Variants in TMEM132D observed in about 807,000 individuals in gnomAD.
TMEM132D encodes mature OL transmembrane protein.
Under a neutral mutation model 62.3 loss-of-function variants are expected in TMEM132D, and 21 were observed. The ratio of observed to expected loss-of-function variants is 0.34; its 90% CI spans 0.24 to 0.49. The LOEUF (loss-of-function observed/expected upper bound fraction) is 0.49, where lower values mean the gene tolerates loss of function less well. TMEM132D is among the 20% of genes least tolerant of loss of function. The pLI is 0.99. For synonymous variants in TMEM132D, 621 were observed against 575.6 expected (o/e 1.08, Z -1.13); for missense variants, 1,346 against 1,402.8 (o/e 0.96, Z 0.65).
chr12:129,587,198 A>G (rs1164826076), intron 2 of TMEM132D, among the ~76,000 whole-genome samples: 1 of 152,218 alleles, frequency 6.6e-6, no homozygotes. Flanking sequence ...ACCATGGAAT[A>G]CTATGCAGCC....
At chr12:129,658,290 A>T (rs796545190) in intron 2 of TMEM132D, among the ~76,000 whole-genome samples, 21 of 152,350 alleles carry the variant, frequency 1.4e-4, no homozygotes, top group African/African-American at 4.6e-4. Flanking sequence ...TAGATAAAGT[A>T]ACCTAGAAAT....
intron 1 of TMEM132D, 147 bp from the exon 2 acceptor site, chr12:129,700,845 T>C: frequency 1.1e-5 from 10 of 886,622 alleles, no homozygotes; most frequent in Non-Finnish European, 1.6e-5. Flanking sequence ...TAATCCAATC[T>C]ACTCGCTTCA....
intron 3 of TMEM132D, among the ~76,000 whole-genome samples, chr12:129,412,935 A>G (rs981485424): frequency 5.3e-5 from 8 of 152,196 alleles, no homozygotes; most frequent in African/African-American, 1.7e-4. Context: ...ACCTCCAATG[A>G]CATTGAGGAA....
At chr12:129,873,398 C>T (rs375254280) in intron 1 of TMEM132D, among the ~76,000 whole-genome samples, 51 of 152,238 alleles carry the variant, frequency 3.4e-4, no homozygotes, top group African/African-American at 1.2e-3. Context: ...CAAATAAGGG[C>T]AGAAATGAAG....
chr12:129,640,622 C>T (rs1026506087), intron 2 of TMEM132D, among the ~76,000 whole-genome samples: 2 of 152,198 alleles, frequency 1.3e-5, no homozygotes, highest in Non-Finnish European at 2.9e-5. Flanking sequence ...CCCCATCTCA[C>T]TTCTGGTCAT....
chr12:129,418,823 A>C (rs911205871), intron 3 of TMEM132D, among the ~76,000 whole-genome samples: 1 of 152,206 alleles, frequency 6.6e-6, no homozygotes, highest in African/African-American at 2.4e-5. Context: ...TGGGTTCCAA[A>C]TCAACAGTCA....
chr12:129,219,306 C>A (rs1251705482), intron 4 of TMEM132D, among the ~76,000 whole-genome samples: 2 of 152,170 alleles, frequency 1.3e-5, no homozygotes, highest in African/African-American at 4.8e-5. Flanking sequence ...AGCTCTCTTG[C>A]CTGCCACCAT....
chr12:129,096,282 G>A (rs951907305), intron 5 of TMEM132D, among the ~76,000 whole-genome samples: 3 of 152,242 alleles, frequency 2.0e-5, no homozygotes, highest in Middle Eastern at 3.4e-3. Flanking sequence ...CGAGTCGGCC[G>A]TCATATGCCT....
intron 2 of TMEM132D, among the ~76,000 whole-genome samples, chr12:129,649,589 C>A (rs971527202): frequency 1.3e-5 from 2 of 151,966 alleles, no homozygotes; most frequent in Non-Finnish European, 2.9e-5. Context: ...TATTTAAATT[C>A]TTTTCTTACA....
intron 4 of TMEM132D, among the ~76,000 whole-genome samples, chr12:129,316,089 C>T (rs796289568): frequency 4.6e-5 from 7 of 151,984 alleles, no homozygotes; most frequent in Admixed American, 3.3e-4. Context: ...TTCAAAGAAC[C>T]AGCTTTTTGT....
intron 2 of TMEM132D, among the ~76,000 whole-genome samples, chr12:129,693,687 G>A (rs899642159): frequency 6.6e-6 from 1 of 152,138 alleles, no homozygotes; most frequent in African/African-American, 2.4e-5. Context: ...CAAGCTCATT[G>A]AGCAGAGCAC....
At chr12:129,439,756 G>GT (rs374420497) in intron 3 of TMEM132D, among the ~76,000 whole-genome samples, 5 of 151,986 alleles carry the variant, frequency 3.3e-5, no homozygotes, top group Admixed American at 2.0e-4. Context: ...CTGGCCTGGA[G>GT]TTTTTTTTAA....
At chr12:129,502,560 A>AT (rs1419051507) in intron 3 of TMEM132D, among the ~76,000 whole-genome samples, 1 of 152,048 alleles carries the variant, frequency 6.6e-6, no homozygotes, top group Non-Finnish European at 1.5e-5. Flanking sequence ...AAACATGGCC[A>AT]TAAGGATTCT....
rs1325785018 is a variant in TMEM132D at position 129,072,064 on chromosome 12, A to C, written c.*1811T>G. The stretch of plus-strand genomic sequence containing the variant: ...CTAAGGTTGGGAGGGTAAACTGGTG[A>C]AATTTACACACACATGATCTAAAGA... On this transcript the variant is annotated 3_prime_UTR_variant, in exon 9 of 9. Transcript: ENST00000422113. 3 of 152,204 alleles carry C rather than the reference A, an allele frequency of 2.0e-5. No homozygotes were observed. The highest frequency in any genetic ancestry group is 2.9e-5 in the Non-Finnish European group (2 of 68,054). The allele number at this position is 152,204 out of a possible 1,614,324, so 9.4% of individuals were successfully genotyped here.
chr12:129,151,071 A>G (rs180932834), intron 5 of TMEM132D, among the ~76,000 whole-genome samples: 1 of 152,242 alleles, frequency 6.6e-6, no homozygotes, highest in Non-Finnish European at 1.5e-5. Flanking sequence ...GGGTTTGCAG[A>G]GCACGCATCT....
chr12:129,364,627 G>A (rs547070092), intron 3 of TMEM132D, among the ~76,000 whole-genome samples: 1 of 152,304 alleles, frequency 6.6e-6, no homozygotes, highest in East Asian at 1.9e-4. Flanking sequence ...ACCTCACTTT[G>A]TCTGGCATTG....
chr12:129,304,079 C>G (rs1467418414), intron 4 of TMEM132D, among the ~76,000 whole-genome samples: 1 of 152,234 alleles, frequency 6.6e-6, no homozygotes, highest in Non-Finnish European at 1.5e-5. Flanking sequence ...GAAACACCCT[C>G]ATACTCATAC....
chr12:129,270,218 A>G (rs1273630285), intron 4 of TMEM132D, among the ~76,000 whole-genome samples: 2 of 152,080 alleles, frequency 1.3e-5, no homozygotes, highest in Non-Finnish European at 2.9e-5. Context: ...ATCTCTGCCG[A>G]AAAGGTAAGT....
rs572422189 is a variant in TMEM132D at position 129,882,450 on chromosome 12, ATAGTCCAG to A, written c.79+20803_79+20810del. ...ATTGGGTTTGACGAGGAAAATAAGG[ATAGTCCAG>A]TATTTGAAAATAAATCAGTGTAATC... is the stretch of plus-strand genomic sequence containing the variant. On this transcript the variant is annotated intron_variant, in intron 1 of 8. Transcript: ENST00000422113. 3.0e-4 allele frequency among the ~76,000 whole-genome samples: 46 copies of A among 152,294 alleles called. No homozygotes were observed. In the East Asian group the frequency reaches 8.3e-3, roughly 27 times the overall value.
Sources: gnomAD v4.1 joint callset for allele counts (sites outside exome capture counted in the v4.1 genomes callset) on GRCh38, gnomAD v4.1.1 for gene constraint, MANE v1.5 for transcripts, NCBI Gene and HGNC (gene_info 2026-07-23, HGNC 2026-07-21) for gene names.